Variants in LRRC37A observed in about 807,000 individuals in gnomAD.
LRRC37A encodes leucine rich repeat containing 37A, also known as leucine-rich repeat-containing protein 37A.
Under a neutral mutation model 35.4 loss-of-function variants are expected in LRRC37A, and 3 were observed. That is an observed-to-expected ratio of 0.08 (90% CI 0.04 to 0.22). LRRC37A has a LOEUF of 0.22. Among genes scored for constraint, LRRC37A ranks in the 10% least tolerant of loss-of-function variants. LRRC37A has a pLI of 1.00. For missense variants in LRRC37A, 67 were observed against 565.3 expected, an observed-to-expected ratio of 0.12 and a Z score of 8.94; for synonymous variants, 23 against 215.0, an observed-to-expected ratio of 0.11 and a Z score of 7.81.
the LRRC37A span, chr17:46,274,746 T>C: frequency 1.3e-5 from 2 of 152,676 alleles, no homozygotes; most frequent in African/African-American, 4.8e-5. Flanking sequence ...GGAGTTATAC[T>C]TGACCCCACA....
chr17:46,285,670 G>C, the LRRC37A span, among the ~76,000 whole-genome samples: 1 of 152,232 alleles, frequency 6.6e-6, no homozygotes, highest in Admixed American at 6.5e-5. Flanking sequence ...GATTATCTGA[G>C]TGTTAGATAA....
intron 9 of LRRC37A, 86 bp from the exon 10 acceptor site, chr17:46,332,466 G>A (rs2052011958): frequency 1.8e-6 from 1 of 552,290 alleles, no homozygotes; most frequent in Non-Finnish European, 3.2e-6. Flanking sequence ...AAATAAAAAA[G>A]AACCTGTCAG....
chr17:46,254,225 G>A, the LRRC37A span, among the ~76,000 whole-genome samples: 1 of 152,018 alleles, frequency 6.6e-6, no homozygotes, highest in Non-Finnish European at 1.5e-5. Flanking sequence ...AGATGGGAGT[G>A]GCTCCTCCCA....
chr17:46,260,200 C>G, the LRRC37A span: 1 of 1,527,884 alleles, frequency 6.5e-7, no homozygotes, highest in Non-Finnish European at 8.8e-7. Context: ...GCAGTCAACG[C>G]TCAGCTCACA....
At chr17:46,285,659 AGATT>A in the LRRC37A span, among the ~76,000 whole-genome samples, 1 of 152,230 alleles carries the variant, frequency 6.6e-6, no homozygotes, top group Non-Finnish European at 1.5e-5. Flanking sequence ...GAGTCACGTT[AGATT>A]ATCTGAGTGT....
the LRRC37A span, among the ~76,000 whole-genome samples, chr17:46,265,303 CTT>C: frequency 2.3e-3 from 267 of 114,816 alleles, 10 homozygotes; most frequent in East Asian, 0.05. Context: ...TCTTCTTCTT[CTT>C]CTTCTTCTTC....
At chr17:46,276,040 G>A in the LRRC37A span, among the ~76,000 whole-genome samples, 3 of 152,178 alleles carry the variant, frequency 2.0e-5, no homozygotes, top group African/African-American at 7.2e-5. Context: ...ACAGGTGCCT[G>A]CCACCACACC....
chr17:46,293,640 G>T, upstream of LRRC37A: 1 of 234,104 alleles, frequency 4.3e-6, no homozygotes, highest in Non-Finnish European at 6.2e-6. Context: ...ATTTCAGTGG[G>T]AACTTAACTT....
At chr17:46,259,787 T>C in the LRRC37A span, 1 of 1,560,952 alleles carries the variant, frequency 6.4e-7, no homozygotes, top group South Asian at 1.2e-5. Flanking sequence ...AAACACTTGG[T>C]GAGGAACACA....
At chr17:46,306,044 C>A (rs1158062269) in intron 4 of LRRC37A, among the ~76,000 whole-genome samples, 185 bp from the exon 5 acceptor site, 2 of 81,766 alleles carry the variant, frequency 2.4e-5, no homozygotes, top group East Asian at 2.4e-4. Flanking sequence ...TGTTTTGTAT[C>A]TAATGCACCA....
chr17:46,275,473 G>T, the LRRC37A span: 1 of 732,298 alleles, frequency 1.4e-6, no homozygotes, highest in Non-Finnish European at 2.3e-6. Context: ...TGAAAATGAT[G>T]CTTTATGCGG....
the LRRC37A span, among the ~76,000 whole-genome samples, chr17:46,265,309 CTTCT>C: frequency 1.0e-5 from 1 of 96,138 alleles, no homozygotes; most frequent in South Asian, 3.9e-4. Flanking sequence ...TCTTCTTCTT[CTTCT>C]TCCTCTTCTT....
At chr17:46,308,097 A>G (rs1598117130) in intron 5 of LRRC37A, among the ~76,000 whole-genome samples, 1 of 67,406 alleles carries the variant, frequency 1.5e-5, no homozygotes, top group East Asian at 2.7e-4. Flanking sequence ...CCAGGAAAAC[A>G]CTGGAATCAC....
At chr17:46,265,285 CTT>C in the LRRC37A span, among the ~76,000 whole-genome samples, 8 of 108,280 alleles carry the variant, frequency 7.4e-5, no homozygotes, top group East Asian at 2.6e-4. Context: ...TCTTCTTCTT[CTT>C]CTTCTTCTTC....
At chr17:46,277,510 A>T in the LRRC37A span, among the ~76,000 whole-genome samples, 1 of 152,178 alleles carries the variant, frequency 6.6e-6, no homozygotes, top group Non-Finnish European at 1.5e-5. Flanking sequence ...ACAAATCAAA[A>T]AGCATAGAGG....
the LRRC37A span, chr17:46,267,552 T>C: frequency 6.2e-7 from 1 of 1,612,818 alleles, no homozygotes; most frequent in South Asian, 1.1e-5. Context: ...GCTGCATATG[T>C]ACTTTATACC....
chr17:46,254,519 C>T, the LRRC37A span, among the ~76,000 whole-genome samples: 1 of 151,926 alleles, frequency 6.6e-6, no homozygotes, highest in African/African-American at 2.4e-5. Flanking sequence ...GCTGGTACTA[C>T]AGTCGCATGC....
Position 46,304,637 on chromosome 17 carries a change from AT to A in LRRC37A, c.2754-863del, listed in dbSNP as rs1172829076. On this transcript the variant is annotated intron_variant, in intron 3 of 13. Transcript: ENST00000320254. ...ACTCCATCACTGTATAACTGAAGAA[AT>A]TTTTTTTTATGAAATATTAAAGCAA... Among the ~76,000 whole-genome samples the A allele has an allele frequency of 3.0e-4, 20 of 66,482 alleles. 4 individuals carry two copies. The highest frequency in any genetic ancestry group is 5.7e-4 in the East Asian group (2 of 3,498). The allele number at this position is 66,482 out of a possible 152,430, so 43.6% of individuals were successfully genotyped here. A position where few individuals can be genotyped will look rare whatever the true frequency, so the allele number is the denominator to read the frequency against.
the LRRC37A span, among the ~76,000 whole-genome samples, chr17:46,287,110 C>T: frequency 6.6e-6 from 1 of 152,224 alleles, no homozygotes; most frequent in Non-Finnish European, 1.5e-5. Flanking sequence ...TCCAACCATT[C>T]TACCCCTGGC....
Sources: allele counts gnomAD v4.1 joint callset (sites outside exome capture counted in the v4.1 genomes callset), GRCh38; gene constraint gnomAD v4.1.1; transcripts MANE v1.5; gene names NCBI Gene and HGNC (gene_info 2026-07-23, HGNC 2026-07-21).